GALNT17: variants seen among roughly 807,000 people sequenced by gnomAD.
The protein encoded by GALNT17 is UDP-GalNAc:polypeptide N-acetylgalactosaminyltransferase-like 3.
A neutral mutation model predicts 63.7 loss-of-function variants in GALNT17; 29 were observed. The observed-to-expected ratio is 0.46, with a 90% CI of 0.34 to 0.62. GALNT17 has a LOEUF of 0.62. GALNT17 is among the 20% of genes least tolerant of loss of function. The pLI is 0.01. For missense variants in GALNT17, 603 were observed against 799.6 expected (o/e 0.75, Z 2.97); for synonymous variants, 305 against 318.3 (o/e 0.96, Z 0.45).
chr7:71,426,688 A>C (rs1302175326), intron 5 of GALNT17, among the ~76,000 whole-genome samples: 2 of 152,122 alleles, frequency 1.3e-5, no homozygotes, highest in Non-Finnish European at 2.9e-5. Flanking sequence ...TGGGAGGCCG[A>C]GGTGGGCTGA....
At chr7:71,318,544 C>T (rs1361557774) in intron 1 of GALNT17, among the ~76,000 whole-genome samples, 1 of 151,852 alleles carries the variant, frequency 6.6e-6, no homozygotes, top group East Asian at 1.9e-4. Flanking sequence ...CTCAGCCTCC[C>T]GAGTAGCTGG....
intron 1 of GALNT17, among the ~76,000 whole-genome samples, chr7:71,201,911 G>A (rs1019206482): frequency 1.2e-4 from 18 of 152,326 alleles, no homozygotes; most frequent in African/African-American, 4.3e-4. Flanking sequence ...GGGATTACAG[G>A]CGTGAGCCAC....
At chr7:71,338,843 A>G (rs1200229820) in intron 2 of GALNT17, among the ~76,000 whole-genome samples, 1 of 152,234 alleles carries the variant, frequency 6.6e-6, no homozygotes, top group Non-Finnish European at 1.5e-5. Context: ...TAGATTCAAA[A>G]TAAAGAAAAT....
At chr7:71,557,272 TCTC>T (rs1266800816) in intron 5 of GALNT17, among the ~76,000 whole-genome samples, 3 of 152,142 alleles carry the variant, frequency 2.0e-5, no homozygotes, top group Admixed American at 6.6e-5. Flanking sequence ...TCAGAAAACT[TCTC>T]CACCATGCAA....
chr7:71,685,121 C>T (rs527818557), intron 9 of GALNT17, among the ~76,000 whole-genome samples: 45 of 152,248 alleles, frequency 3.0e-4, no homozygotes, highest in African/African-American at 1.1e-3. Flanking sequence ...TTGAGTCCTT[C>T]GGTGTTCTCC....
intron 5 of GALNT17, among the ~76,000 whole-genome samples, chr7:71,535,623 G>T (rs1297334698): frequency 6.6e-6 from 1 of 152,200 alleles, no homozygotes; most frequent in Non-Finnish European, 1.5e-5. Context: ...CAAGCAATAA[G>T]TCAACTCACA....
chr7:71,243,009 C>G (rs1237925109), intron 1 of GALNT17, among the ~76,000 whole-genome samples: 6 of 152,048 alleles, frequency 3.9e-5, no homozygotes, highest in Non-Finnish European at 1.5e-5. Context: ...GCTCTGTGTC[C>G]CCACCCAAAT....
chr7:71,479,894 C>T (rs549058001), intron 5 of GALNT17, among the ~76,000 whole-genome samples: 5 of 152,280 alleles, frequency 3.3e-5, no homozygotes, highest in South Asian at 4.1e-4. Flanking sequence ...AATGGTGGCA[C>T]GTCTTCTTCT....
chr7:71,179,102 A>G (rs1788690973), intron 1 of GALNT17, among the ~76,000 whole-genome samples: 1 of 152,192 alleles, frequency 6.6e-6, no homozygotes, highest in African/African-American at 2.4e-5. Context: ...TGGGTCCCCA[A>G]AATCCCTAAG....
intron 5 of GALNT17, among the ~76,000 whole-genome samples, chr7:71,534,586 G>A (rs976031549): frequency 9.8e-4 from 123 of 125,418 alleles, no homozygotes; most frequent in Non-Finnish European, 3.8e-4. Flanking sequence ...GCAACAGAGC[G>A]AGACTCCATC....
chr7:71,231,672 G>A (rs1789790547), intron 1 of GALNT17, among the ~76,000 whole-genome samples: 1 of 147,302 alleles, frequency 6.8e-6, no homozygotes, highest in Admixed American at 6.9e-5. Context: ...TCACATGACA[G>A]ATAGAGCAAG....
At chr7:71,386,265 C>T (rs1231966431) in intron 2 of GALNT17, among the ~76,000 whole-genome samples, 1 of 152,174 alleles carries the variant, frequency 6.6e-6, no homozygotes, top group East Asian at 1.9e-4. Flanking sequence ...TTAATATGGC[C>T]TGACATAGCC....
chr7:71,240,260 T>G lies in GALNT17; in HGVS notation c.239-95290T>G, dbSNP rs1002454330. ...GATATAATCTCAGATATCAAATGTA[T>G]TTTTTCGTTGTTTTTAATTTCAGTT... is the stretch of plus-strand genomic sequence containing the variant. On this transcript the variant is annotated intron_variant, in intron 1 of 10. Coordinates refer to ENST00000333538, the MANE Select transcript of GALNT17 (RefSeq NM_022479.3). Among the ~76,000 whole-genome samples the G allele has an allele frequency of 1.3e-4, 20 of 152,194 alleles. 1 individual carries two copies. Among genetic ancestry groups the G allele is most frequent in the African/African-American group, 4.8e-4 (20 of 41,436 alleles).
intron 2 of GALNT17, among the ~76,000 whole-genome samples, chr7:71,338,642 G>T (rs939454307): frequency 6.6e-6 from 1 of 152,160 alleles, no homozygotes; most frequent in Non-Finnish European, 1.5e-5. Context: ...ATAGTGTCAA[G>T]ATGCTGGAGA....
At chr7:71,192,112 G>A (rs543648505) in intron 1 of GALNT17, among the ~76,000 whole-genome samples, 3 of 152,148 alleles carry the variant, frequency 2.0e-5, no homozygotes, top group Admixed American at 6.5e-5. Flanking sequence ...TCTGATGTTC[G>A]AGGTCAGGAA....
chr7:71,171,834 A>G (rs17142642), intron 1 of GALNT17, among the ~76,000 whole-genome samples: 4,547 of 152,326 alleles, frequency 0.03, 191 homozygotes, highest in East Asian at 0.11. Context: ...AGAGATGGGC[A>G]ATATCATGAA....
Position 71,616,534 on chromosome 7 carries a change from A to C in GALNT17, c.1080+45132A>C, listed in dbSNP as rs1052318337. Among the ~76,000 whole-genome samples the C allele has an allele frequency of 6.8e-5, 10 of 146,860 alleles. No homozygotes were observed. In the East Asian group the frequency reaches 2.0e-3, roughly 29 times the overall value. ...TTTGATATGTTAATACATTATATGT[A>C]ATATAAATATATAATAATTACATAT... On this transcript the variant is annotated intron_variant, in intron 6 of 10. Transcript: ENST00000333538.
At chr7:71,272,303 T>C (rs10950255) in intron 1 of GALNT17, among the ~76,000 whole-genome samples, 65,756 of 152,086 alleles carry the variant, frequency 0.43, 16,631 homozygotes, top group Non-Finnish European at 0.54. Flanking sequence ...TATACAGTCA[T>C]GTGAACATAT....
At chr7:71,467,680 C>T (rs984188792) in intron 5 of GALNT17, among the ~76,000 whole-genome samples, 2 of 151,948 alleles carry the variant, frequency 1.3e-5, no homozygotes, top group African/African-American at 2.4e-5. Flanking sequence ...CTACCAGCTT[C>T]GTCCCAGAAG....
Sources: gnomAD v4.1 joint callset for allele counts (sites outside exome capture counted in the v4.1 genomes callset) on GRCh38, gnomAD v4.1.1 for gene constraint, MANE v1.5 for transcripts, NCBI Gene and HGNC (gene_info 2026-07-23, HGNC 2026-07-21) for gene names.